PCDH9: variants seen among roughly 807,000 people sequenced by gnomAD.
PCDH9 encodes the protein protocadherin 9.
PCDH9 carries 24 observed loss-of-function variants against 70.6 expected under a neutral mutation model. The ratio of observed to expected loss-of-function variants is 0.34; its 90% CI spans 0.25 to 0.48. PCDH9 has a LOEUF of 0.48. Among genes scored for constraint, PCDH9 ranks in the 20% least tolerant of loss-of-function variants. PCDH9 has a pLI of 0.99. For missense variants in PCDH9, 1,281 were observed against 1,503.6 expected (o/e 0.85, Z 2.45); for synonymous variants, 562 against 558.5 (o/e 1.01, Z -0.09).
rs545474646 is a variant in PCDH9 at position 66,888,353 on chromosome 13, T to A, written c.3138+15151A>T. ...CTGCAAAAAATTTAAAAAATAAAAA[T>A]TAGCTGGGTGTGGTGGAACAAACTT... is the stretch of plus-strand genomic sequence containing the variant. On this transcript the variant is annotated intron_variant, in intron 3 of 4. Coordinates refer to ENST00000377865, the MANE Select transcript of PCDH9 (RefSeq NM_203487.3). Among the ~76,000 whole-genome samples the A allele has an allele frequency of 1.3e-4, 19 of 151,702 alleles. No individual in the cohort carries two copies. In the South Asian group the frequency reaches 3.1e-3, roughly 25 times the overall value.
At chr13:66,479,322 A>T (rs939903075) in intron 4 of PCDH9, among the ~76,000 whole-genome samples, 1 of 152,222 alleles carries the variant, frequency 6.6e-6, no homozygotes, top group African/African-American at 2.4e-5. Context: ...CTAACACAAC[A>T]TCCATTCTGC....
intron 2 of PCDH9, among the ~76,000 whole-genome samples, chr13:67,179,306 A>G (rs539242501): frequency 6.6e-6 from 1 of 152,186 alleles, no homozygotes; most frequent in Admixed American, 6.5e-5. Flanking sequence ...TCCATGTAGA[A>G]ATTTTATTCT....
intron 2 of PCDH9, among the ~76,000 whole-genome samples, chr13:67,184,056 T>C (rs1263265466): frequency 6.6e-6 from 1 of 152,194 alleles, no homozygotes; most frequent in Admixed American, 6.5e-5. Flanking sequence ...TTTGCGTCTT[T>C]TAAAACATCT....
At chr13:66,396,702 A>G (rs1049900704) in intron 4 of PCDH9, among the ~76,000 whole-genome samples, 1 of 152,336 alleles carries the variant, frequency 6.6e-6, no homozygotes, top group South Asian at 2.1e-4. Context: ...CCACATACCA[A>G]GTTTACAGAT....
At chr13:67,072,747 G>A (rs2085792776) in intron 2 of PCDH9, among the ~76,000 whole-genome samples, 1 of 151,804 alleles carries the variant, frequency 6.6e-6, no homozygotes. Context: ...AATAGTGGAG[G>A]CATTACGGTA....
chr13:66,395,515 G>T (rs542511026), intron 4 of PCDH9, among the ~76,000 whole-genome samples: 28 of 151,966 alleles, frequency 1.8e-4, no homozygotes, highest in African/African-American at 6.3e-4. Context: ...CAGGAGAATC[G>T]CTTGAACACG....
At chr13:66,776,720 A>G (rs1291891877) in intron 3 of PCDH9, among the ~76,000 whole-genome samples, 1 of 151,942 alleles carries the variant, frequency 6.6e-6, no homozygotes, top group Non-Finnish European at 1.5e-5. Context: ...TAATTTACAG[A>G]TTCAATGCCA....
At chr13:66,555,105 G>T (rs1312952774) in intron 4 of PCDH9, among the ~76,000 whole-genome samples, 4 of 151,342 alleles carry the variant, frequency 2.6e-5, no homozygotes, top group Non-Finnish European at 4.4e-5. Context: ...GGAGGCGGAG[G>T]TTGCAGTGTG....
chr13:66,664,554 T>C (rs2078066235), intron 3 of PCDH9, among the ~76,000 whole-genome samples: 1 of 152,174 alleles, frequency 6.6e-6, no homozygotes, highest in African/African-American at 2.4e-5. Flanking sequence ...TAGGAAGCAC[T>C]GTAGTAGACA....
chr13:66,925,886 T>G (rs537029596), intron 2 of PCDH9, among the ~76,000 whole-genome samples: 1 of 152,162 alleles, frequency 6.6e-6, no homozygotes, highest in East Asian at 1.9e-4. Context: ...CACATGATCA[T>G]CTGAATAAAA....
chr13:66,590,559 G>T (rs1336172505), intron 4 of PCDH9, among the ~76,000 whole-genome samples: 1 of 151,952 alleles, frequency 6.6e-6, no homozygotes, highest in East Asian at 1.9e-4. Flanking sequence ...GTCCTTTCAA[G>T]GAAATATAGA....
chr13:67,169,680 T>TA (rs1311743334), intron 2 of PCDH9, among the ~76,000 whole-genome samples: 2 of 152,210 alleles, frequency 1.3e-5, no homozygotes, highest in African/African-American at 4.8e-5. Flanking sequence ...CCTAGGCTAT[T>TA]AAAAAATTCA....
intron 2 of PCDH9, among the ~76,000 whole-genome samples, chr13:66,920,508 T>C (rs550463438): frequency 6.6e-6 from 1 of 151,152 alleles, no homozygotes; most frequent in South Asian, 2.1e-4. Flanking sequence ...TAATTTCTTA[T>C]ATTAATAACC....
intron 4 of PCDH9, among the ~76,000 whole-genome samples, chr13:66,426,912 A>C (rs7325383): frequency 0.38 from 57,700 of 151,222 alleles, 11,910 homozygotes; most frequent in East Asian, 0.51. Context: ...TTTTATATTA[A>C]GTATAATTAC....
chr13:67,177,276 G>A (rs893701605), intron 2 of PCDH9, among the ~76,000 whole-genome samples: 3 of 151,958 alleles, frequency 2.0e-5, no homozygotes, highest in African/African-American at 7.2e-5. Flanking sequence ...CCTGCCACCT[G>A]TCATTTCTCC....
rs543785306 is a variant in PCDH9, at chr13:66,538,398, T to C, written c.3340+92812A>G. On this transcript the variant is annotated intron_variant, in intron 4 of 4. Transcript: ENST00000377865. Reference sequence around the variant, plus strand: ...ATTTCACAAGAATGGTGCCTTTTACTGAATTACATTTCCCGATTCTTCAAT... The same window carrying C: ...ATTTCACAAGAATGGTGCCTTTTACCGAATTACATTTCCCGATTCTTCAAT... Among the ~76,000 whole-genome samples the C allele has an allele frequency of 7.2e-5, 11 of 152,298 alleles. No individual in the cohort carries two copies. The South Asian group carries it at 1.9e-3, about 26-fold the overall frequency.
At chr13:66,631,484 CA>C (rs2077570972) in intron 3 of PCDH9, 73 bp from the exon 4 acceptor site, 4 of 832,610 alleles carry the variant, frequency 4.8e-6, no homozygotes, top group Non-Finnish European at 8.0e-6. Flanking sequence ...AACACAAAAT[CA>C]AAACACTTTC....
chr13:67,227,832 T>C lies in PCDH9; in HGVS notation c.609A>G (p.Gln203=). Reference sequence around the variant, plus strand: ...TATCCAAGTTTTGCTGAACAATCAGTTGTGGCCACTTCTCTCCCTCTGGAG... The same window carrying C: ...TATCCAAGTTTTGCTGAACAATCAGCTGTGGCCACTTCTCTCCCTCTGGAG... ...VETPEGEKWP[Q]LIVQQNLDRE... Residue 203 remains glutamine (Q), a synonymous_variant, in exon 2 of 5, where the codon CAA becomes CAG. Coordinates refer to ENST00000377865, the MANE Select transcript of PCDH9 (RefSeq NM_203487.3). The surrounding 1 kb of genome is among the most constrained non-coding windows in gnomAD (Gnocchi z 4.6). The C allele has an allele frequency of 6.2e-7, 1 of 1,614,122 alleles. No homozygotes were observed. Among genetic ancestry groups the C allele is most frequent in the South Asian group, 1.1e-5 (1 of 91,064 alleles).
intron 3 of PCDH9, among the ~76,000 whole-genome samples, chr13:66,724,706 A>G (rs1403070140): frequency 2.0e-5 from 3 of 152,092 alleles, no homozygotes; most frequent in African/African-American, 7.2e-5. Context: ...CAAATAACCT[A>G]ACCTGAAACC....
Sources: gnomAD v4.1 joint callset for allele counts (sites outside exome capture counted in the v4.1 genomes callset) on GRCh38, gnomAD v4.1.1 for gene constraint, Gnocchi (gnomAD v3.1) non-coding constraint, MANE v1.5 for transcripts, NCBI Gene and HGNC (gene_info 2026-07-23, HGNC 2026-07-21) for gene names.